The following GRM4 variants were observed in gnomAD, a reference collection of about 807,000 sequenced individuals.
GRM4 encodes metabotropic glutamate receptor 4.
GRM4 carries 28 observed loss-of-function variants against 81.7 expected under a neutral mutation model. That is an observed-to-expected ratio of 0.34 (90% confidence interval 0.25 to 0.47). The LOEUF (loss-of-function observed/expected upper bound fraction) is 0.47. Ranked by LOEUF, GRM4 falls within the 20% of genes least tolerant of loss-of-function variation. The probability of loss-of-function intolerance (pLI) is 1.00; values close to 1 mark genes in which losing one functional copy is unlikely to be tolerated. For missense variants in GRM4, 948 were observed against 1,290.0 expected, an observed-to-expected ratio of 0.73 and a Z score of 4.06; for synonymous variants, 488 against 528.8, an observed-to-expected ratio of 0.92 and a Z score of 1.06.
intron 2 of GRM4, among the ~76,000 whole-genome samples, chr6:34,103,323 A>G (rs1714898433): frequency 6.6e-6 from 1 of 152,128 alleles, no homozygotes; most frequent in Admixed American, 6.5e-5. Flanking sequence ...TTTAAACATT[A>G]TATGTTTTCT....
chr6:34,084,091 G>A (rs776139596), intron 3 of GRM4, among the ~76,000 whole-genome samples: 1 of 152,194 alleles, frequency 6.6e-6, no homozygotes. Context: ...AAATTGTGGG[G>A]AACAGGTCTT....
intron 1 of GRM4, among the ~76,000 whole-genome samples, chr6:34,144,376 A>G (rs1283276086): frequency 6.6e-6 from 1 of 152,182 alleles, no homozygotes; most frequent in Non-Finnish European, 1.5e-5. Context: ...ACACACATGC[A>G]CACACAGAGA....
intron 10 of GRM4, among the ~76,000 whole-genome samples, chr6:34,025,724 T>C (rs1056151585): frequency 3.9e-5 from 6 of 152,164 alleles, no homozygotes; most frequent in Non-Finnish European, 7.4e-5. Context: ...CTGCCCGCAA[T>C]GCTGTGGGGG....
chr6:34,057,821 A>C (rs1403605138), intron 5 of GRM4, among the ~76,000 whole-genome samples: 2 of 152,230 alleles, frequency 1.3e-5, no homozygotes, highest in Non-Finnish European at 2.9e-5. Flanking sequence ...AATGCGGGGA[A>C]GAGTGCATCA....
Position 34,040,238 on chromosome 6 carries a change from C to T in GRM4, c.1446G>A (p.Leu482=), listed in dbSNP as rs753151315. ...PGRYDIYQYQ[L]RNDSAEYKVI... ...CCTTGTACTCGGCAGAATCGTTGCG[C>T]AGCTGGTATTGGTAGATGTCATAGC... The change falls in exon 8 of 11, where the codon CTG becomes CTA. Residue 482 remains leucine, a synonymous_variant. Transcript: ENST00000538487. 6.2e-7 allele frequency: 1 copy of T among 1,614,160 alleles called. No individual in the cohort carries two copies. The highest frequency in any genetic ancestry group is 8.5e-7 in the Non-Finnish European group (1 of 1,179,956).
At chr6:34,148,960 A>C (rs1770994589), upstream of GRM4, among the ~76,000 whole-genome samples, 1 of 152,168 alleles carries the variant, frequency 6.6e-6, no homozygotes, top group South Asian at 2.1e-4. Flanking sequence ...GGAAGGGTGA[A>C]GGGAAGAGAG....
chr6:34,125,801 G>A (rs1412815066), intron 2 of GRM4, among the ~76,000 whole-genome samples: 7 of 152,214 alleles, frequency 4.6e-5, no homozygotes. Flanking sequence ...TCACCACAGT[G>A]GGGGTTTGGG....
rs1391620917 is a variant in GRM4, at chr6:34,133,819, C to T, written c.-323G>A. 8.8e-7 allele frequency: 1 copy of T among 1,130,100 alleles called. No individual in the cohort carries two copies. The highest frequency in any genetic ancestry group is 1.1e-6 in the Non-Finnish European group (1 of 923,308). 70.0% of individuals were successfully genotyped at this position (1,130,100 alleles called of 1,614,324 possible). A position where few individuals can be genotyped will look rare whatever the true frequency, so the allele number is the denominator to read the frequency against. Reference sequence around the variant, plus strand: ...ATGCTCCTAGCTTGGCGTATCTTGGCATCAAGGAGAAAACAGCTCCAATCC... The same window carrying T: ...ATGCTCCTAGCTTGGCGTATCTTGGTATCAAGGAGAAAACAGCTCCAATCC... On this transcript the variant is annotated 5_prime_UTR_variant, in exon 2 of 11. The change abolishes an upstream ATG in the 5' untranslated region. Coordinates refer to ENST00000538487, the MANE Select transcript of GRM4 (RefSeq NM_000841.4). The surrounding 1 kb of genome is among the most constrained non-coding windows in gnomAD (Gnocchi z 6.5).
chr6:34,056,660 CGGCT>C lies in GRM4; in HGVS notation c.1048_1051del (p.Ser350AlafsTer24). On this transcript the variant is annotated frameshift_variant, in exon 6 of 11. Coordinates refer to ENST00000538487, the MANE Select transcript of GRM4 (RefSeq NM_000841.4). LOFTEE classifies it high-confidence loss of function. Reference sequence around the variant, plus strand: ...GTTGCGCCGGTTGTTGTCCAGCGTGCGGCTGGAGAAGTAGCGGTCGAAGCCTGGC... The same window carrying C: ...GTTGCGCCGGTTGTTGTCCAGCGTGCGGAGAAGTAGCGGTCGAAGCCTGGC... 6.2e-7 allele frequency: 1 copy of C among 1,613,454 alleles called. No homozygotes were observed. Among genetic ancestry groups the C allele is most frequent in the Non-Finnish European group, 8.5e-7 (1 of 1,179,722 alleles).
chr6:34,107,119 C>T (rs745830337), intron 2 of GRM4, among the ~76,000 whole-genome samples: 5 of 152,188 alleles, frequency 3.3e-5, no homozygotes, highest in South Asian at 2.1e-4. Flanking sequence ...GGGGTATCTC[C>T]GAAGCCAGGG....
chr6:34,080,487 CAT>C lies in GRM4; in HGVS notation c.736+11394_736+11395del. On this transcript the variant is annotated intron_variant, in intron 3 of 10. Transcript: ENST00000538487. This position sits in a 1 kb window ranked among gnomAD's most constrained non-coding sequence, Gnocchi z 5.4. ...CAGTGTCCTGGTCCAATGCCTGGCA[CAT>C]AGTCAGTGCTCAATAAATATTCATT... 6.6e-6 allele frequency among the ~76,000 whole-genome samples: 1 copy of C among 152,314 alleles called. No individual in the cohort carries two copies. The highest frequency in any genetic ancestry group is 3.4e-3 in the Middle Eastern group (1 of 294).
At position 34,035,635 on chromosome 6, in the gene GRM4, AC is replaced by A; in HGVS notation, c.2442+32del. 1 of 1,220,364 alleles carries A rather than the reference AC, an allele frequency of 8.2e-7. No individual in the cohort carries two copies. 75.6% of individuals were successfully genotyped at this position (1,220,364 alleles called of 1,614,324 possible). A position where few individuals can be genotyped will look rare whatever the true frequency, so the allele number is the denominator to read the frequency against. On this transcript the variant is annotated intron_variant, in intron 9 of 10. Transcript: ENST00000538487. This position sits in a 1 kb window ranked among gnomAD's most constrained non-coding sequence, Gnocchi z 6.6. The stretch of plus-strand genomic sequence containing the variant: ...TGCCCCTTGCTCACTGCCCTCACCT[AC>A]CCACCGTCCACCCCCGGCCCCCACC...
At chr6:34,084,296 G>A (rs1389819291) in intron 3 of GRM4, among the ~76,000 whole-genome samples, 2 of 152,156 alleles carry the variant, frequency 1.3e-5, no homozygotes, top group African/African-American at 2.4e-5. Flanking sequence ...TGCTATGTGC[G>A]AGGGAGGGCA....
chr6:34,029,524 C>A (rs894750899), intron 9 of GRM4, among the ~76,000 whole-genome samples: 1 of 152,190 alleles, frequency 6.6e-6, no homozygotes, highest in Non-Finnish European at 1.5e-5. Context: ...CCTCATGACA[C>A]TGGATGGGAT....
Position 34,042,386 on chromosome 6 carries a change from T to G in GRM4, c.1169-1638A>C, listed in dbSNP as rs1765058911. ...AGCACCACACTCTGCCACACAGGGATGCAGGTGGGCAGGAATGTGGGGAGG... is the reference window on the plus strand; with the variant it reads ...AGCACCACACTCTGCCACACAGGGAGGCAGGTGGGCAGGAATGTGGGGAGG... On this transcript the variant is annotated intron_variant, in intron 6 of 10. Coordinates refer to ENST00000538487, the MANE Select transcript of GRM4 (RefSeq NM_000841.4). This position sits in a 1 kb window ranked among gnomAD's most constrained non-coding sequence, Gnocchi z 4.2. 6.6e-6 allele frequency among the ~76,000 whole-genome samples: 1 copy of G among 152,172 alleles called. No individual in the cohort carries two copies. Among genetic ancestry groups the G allele is most frequent in the Non-Finnish European group, 1.5e-5 (1 of 68,032 alleles).
intron 2 of GRM4, among the ~76,000 whole-genome samples, chr6:34,132,467 G>A (rs1182584495): frequency 1.3e-5 from 2 of 152,180 alleles, no homozygotes; most frequent in African/African-American, 2.4e-5. Context: ...TCTTTCTTGG[G>A]AATTGCAATT....
chr6:34,060,289 AACCCAC>A (rs1766116110), intron 4 of GRM4: 1 of 152,156 alleles, frequency 6.6e-6, no homozygotes, highest in Non-Finnish European at 1.5e-5. Flanking sequence ...CTGCTCTCAG[AACCCAC>A]ACCCACACCC....
chr6:34,091,820 T>G, intron 3 of GRM4, 63 bp downstream of exon 3: 1 of 1,222,302 alleles, frequency 8.2e-7, no homozygotes, highest in Non-Finnish European at 1.2e-6. Context: ...TCCTGGTGGG[T>G]CAGTCACTGT....
chr6:34,041,117 G>C lies in GRM4; in HGVS notation c.1169-369C>G, dbSNP rs566680555. ...GTTGCCTTCCCCCAAGCCTGGCCTG[G>C]GATAATCTTGAGAGCAGCTGCCCCT... is the stretch of plus-strand genomic sequence containing the variant. On this transcript the variant is annotated intron_variant, in intron 6 of 10. Transcript: ENST00000538487. Among the ~76,000 whole-genome samples, 8 of 152,140 alleles carry C rather than the reference G, an allele frequency of 5.3e-5. No individual in the cohort carries two copies. The South Asian group carries it at 1.7e-3, about 31-fold the overall frequency.
Sources: allele counts gnomAD v4.1 joint callset (sites outside exome capture counted in the v4.1 genomes callset), GRCh38; gene constraint gnomAD v4.1.1; non-coding constraint Gnocchi (gnomAD v3.1); transcripts MANE v1.5; gene names NCBI Gene and HGNC (gene_info 2026-07-23, HGNC 2026-07-21).